Variants in BMP2K observed in about 807,000 individuals in gnomAD.
BMP2K encodes the protein BMP-2-inducible protein kinase.
BMP2K carries 74 observed loss-of-function variants against 116.0 expected under a neutral mutation model. The observed-to-expected ratio is 0.64, with a 90% CI of 0.53 to 0.77. The LOEUF is 0.77. Among genes scored for constraint, BMP2K ranks in the 30% least tolerant of loss-of-function variants. BMP2K has a pLI of 0.00. For missense variants in BMP2K, 1,365 were observed against 1,403.6 expected, an observed-to-expected ratio of 0.97 and a Z score of 0.44; for synonymous variants, 486 against 502.5, an observed-to-expected ratio of 0.97 and a Z score of 0.44.
At chr4:78,846,134 C>T (rs1488552286) in intron 5 of BMP2K, among the ~76,000 whole-genome samples, 2 of 151,518 alleles carry the variant, frequency 1.3e-5, no homozygotes. Flanking sequence ...CTTGCTGTTG[C>T]CTTTTGAAGT....
chr4:78,874,333 T>C (rs924260849), intron 13 of BMP2K, among the ~76,000 whole-genome samples: 1 of 152,188 alleles, frequency 6.6e-6, no homozygotes, highest in Non-Finnish European at 1.5e-5. Context: ...AATTAAAACA[T>C]ATTATACATT....
rs774543518 is a variant in BMP2K at position 78,865,619 on chromosome 4, A to G, written c.1130A>G (p.Asn377Ser). ...SIAPRQRPKA[N>S]SATTATPSVL... ...GCACCAAGACAAAGACCAAAGGCCA[A>G]CTCTGCTACTACTGCCACTCCCAGT... is the stretch of plus-strand genomic sequence containing the variant. The change falls in exon 10 of 16, where the codon AAC becomes AGC. Residue 377 changes from asparagine (N) to serine (S), a missense_variant. Asn to Ser is a conservative substitution (Grantham distance 46). This residue lies in a region of BMP2K where 762 missense variants were observed against 756.7 expected (regional missense o/e 1.01). Transcript: ENST00000502613. 3.7e-6 allele frequency: 6 copies of G among 1,614,128 alleles called. No individual in the cohort carries two copies. The South Asian group carries it at 5.5e-5, about 15-fold the overall frequency.
intron 2 of BMP2K, among the ~76,000 whole-genome samples, chr4:78,832,127 C>G (rs1182518655): frequency 1.3e-5 from 2 of 152,004 alleles, no homozygotes; most frequent in Non-Finnish European, 2.9e-5. Flanking sequence ...CTGTTTCTGT[C>G]TTTTGGGTAT....
At chr4:78,816,121 T>G (rs1259852680) in intron 1 of BMP2K, among the ~76,000 whole-genome samples, 1 of 152,196 alleles carries the variant, frequency 6.6e-6, no homozygotes, top group East Asian at 1.9e-4. Context: ...ATTTCTTCTT[T>G]CTGTAATCAT....
chr4:78,910,869 T>A lies in BMP2K; in HGVS notation c.2322T>A (p.Asp774Glu), dbSNP rs1409594367. ...AGGGGGAACAAGGAGATTTTAATGATGATGATACTGAACCAGAAAATCTGG... is the reference window on the plus strand; with the variant it reads ...AGGGGGAACAAGGAGATTTTAATGAAGATGATACTGAACCAGAAAATCTGG... ...VLQGEQGDFN[D>E]DDTEPENLGH... is the part of the protein sequence containing the mutation. Residue 774 changes from aspartate to glutamate, a missense_variant, in exon 16 of 16, where the codon GAT becomes GAA. Around this residue, in one of 3 missense-constraint regions of BMP2K, gnomAD observed 596 missense variants for 623.2 expected, o/e 0.96. Coordinates refer to ENST00000502613, the MANE Select transcript of BMP2K (RefSeq NM_198892.2). 1.9e-6 allele frequency: 3 copies of A among 1,613,866 alleles called. No homozygotes were observed. Among genetic ancestry groups the A allele is most frequent in the African/African-American group, 1.3e-5 (1 of 74,910 alleles).
At chr4:78,895,319 A>G (rs983155020) in intron 15 of BMP2K, among the ~76,000 whole-genome samples, 1 of 152,214 alleles carries the variant, frequency 6.6e-6, no homozygotes, top group Admixed American at 6.5e-5. Flanking sequence ...TTTTTAAAGC[A>G]TAGGGTTTAA....
rs186140907 is a variant in BMP2K at position 78,826,217 on chromosome 4, G to A, written c.297+62G>A. 7.4e-6 allele frequency: 10 copies of A among 1,355,000 alleles called. No individual in the cohort carries two copies. In the Admixed American group the frequency reaches 1.7e-4, roughly 23 times the overall value. The allele number at this position is 1,355,000 out of a possible 1,614,324, so 83.9% of individuals were successfully genotyped here. A position where few individuals can be genotyped will look rare whatever the true frequency, so the allele number is the denominator to read the frequency against. On this transcript the variant is annotated intron_variant, in intron 2 of 15. Coordinates refer to ENST00000502613, the MANE Select transcript of BMP2K (RefSeq NM_198892.2). ...AAGTTTTTATTTTTTATTTTTCTTG[G>A]GATGGAGTGCAGTGGAGTGGCACGC...
intron 1 of BMP2K, among the ~76,000 whole-genome samples, chr4:78,784,318 G>A (rs1362571020): frequency 1.3e-5 from 2 of 152,154 alleles, no homozygotes; most frequent in Non-Finnish European, 2.9e-5. Context: ...TCTAGTGGTC[G>A]GGTATAATAT....
rs369758527 is a variant in BMP2K at position 78,894,577 on chromosome 4, C to T, written c.2062+7293C>T. On this transcript the variant is annotated intron_variant, in intron 15 of 15. Coordinates refer to ENST00000502613, the MANE Select transcript of BMP2K (RefSeq NM_198892.2). The stretch of plus-strand genomic sequence containing the variant: ...TGCTCTGGATTAAGGCTTTGGCTTA[C>T]GGGAACGCAGTGGTTGGTTTGATCT... Among the ~76,000 whole-genome samples the T allele has an allele frequency of 2.8e-3, 427 of 152,304 alleles. 1 individual carries two copies. The highest frequency in any genetic ancestry group is 4.5e-3 in the Non-Finnish European group (307 of 68,016).
intron 3 of BMP2K, among the ~76,000 whole-genome samples, chr4:78,839,481 G>A (rs1730650626): frequency 6.6e-6 from 1 of 152,190 alleles, no homozygotes; most frequent in Admixed American, 6.5e-5. Context: ...AGACTGCAGA[G>A]TTACATGACA....
chr4:78,871,299 T>C (rs1732345088), intron 11 of BMP2K, among the ~76,000 whole-genome samples: 1 of 152,246 alleles, frequency 6.6e-6, no homozygotes, highest in Non-Finnish European at 1.5e-5. Flanking sequence ...ATCTGAAACA[T>C]TTAGTATTCA....
At chr4:78,857,203 T>G (rs1185526026) in intron 7 of BMP2K, among the ~76,000 whole-genome samples, 1 of 152,148 alleles carries the variant, frequency 6.6e-6, no homozygotes, top group African/African-American at 2.4e-5. Flanking sequence ...TTCTTCTTTA[T>G]TAAAATAAAT....
At chr4:78,795,554 A>G (rs1371324060) in intron 1 of BMP2K, among the ~76,000 whole-genome samples, 1 of 152,164 alleles carries the variant, frequency 6.6e-6, no homozygotes, top group African/African-American at 2.4e-5. Context: ...TAATTAAACT[A>G]AAGAGCTTCT....
intron 1 of BMP2K, among the ~76,000 whole-genome samples, chr4:78,799,821 C>T (rs765810797): frequency 6.6e-6 from 1 of 152,172 alleles, no homozygotes; most frequent in African/African-American, 2.4e-5. Flanking sequence ...GGTTGAAGGT[C>T]CCTGCCTGCC....
chr4:78,829,774 T>TCTTTG (rs1730075493), intron 2 of BMP2K, among the ~76,000 whole-genome samples: 1 of 106,976 alleles, frequency 9.3e-6, no homozygotes. Flanking sequence ...TCTTTTCTTT[T>TCTTTG]CTTTTCTTTT....
chr4:78,854,313 G>T (rs1731399163), intron 7 of BMP2K, among the ~76,000 whole-genome samples: 1 of 151,356 alleles, frequency 6.6e-6, no homozygotes, highest in African/African-American at 2.4e-5. Context: ...TCACTCTGTT[G>T]TCCAGGTTGG....
intron 15 of BMP2K, among the ~76,000 whole-genome samples, chr4:78,903,996 C>G (rs12644502): frequency 4.6e-5 from 7 of 151,700 alleles, no homozygotes; most frequent in Non-Finnish European, 7.4e-5. Context: ...AGATTTCTTA[C>G]GTATAAAAAG....
At chr4:78,842,358 T>C (rs1337558002) in intron 3 of BMP2K, 27 bp from the exon 4 acceptor site, 3 of 1,562,902 alleles carry the variant, frequency 1.9e-6, no homozygotes, top group African/African-American at 1.4e-5. Context: ...TAAAAATATG[T>C]CCTCTCAAAA....
intron 1 of BMP2K, among the ~76,000 whole-genome samples, chr4:78,803,796 A>G (rs1728686109): frequency 6.6e-6 from 1 of 152,190 alleles, no homozygotes; most frequent in African/African-American, 2.4e-5. Flanking sequence ...AGGGTGAGTT[A>G]TGAACCTAAG....
Sources: gnomAD v4.1 joint callset for allele counts (sites outside exome capture counted in the v4.1 genomes callset) on GRCh38, gnomAD v4.1.1 for gene constraint, gnomAD v4.1.1 regional missense constraint, MANE v1.5 for transcripts, NCBI Gene and HGNC (gene_info 2026-07-23, HGNC 2026-07-21) for gene names.